CAPN3: variants seen among roughly 807,000 people sequenced by gnomAD.
CAPN3 encodes the protein calpain 3.
CAPN3 carries 88 observed loss-of-function variants against 114.0 expected under a neutral mutation model. That is an observed-to-expected ratio of 0.77 (90% confidence interval 0.65 to 0.92). CAPN3 has a LOEUF of 0.92. CAPN3 is among the 40% of genes least tolerant of loss of function. The probability of loss-of-function intolerance (pLI) is 0.00; values close to 1 mark genes in which losing one functional copy is unlikely to be tolerated. For synonymous variants in CAPN3, 386 were observed against 382.9 expected (o/e 1.01, Z -0.09); for missense variants, 1,028 against 1,069.0 (o/e 0.96, Z 0.53).
intron 15 of CAPN3, among the ~76,000 whole-genome samples, 166 bp from the exon 16 acceptor site, chr15:42,408,045 C>T (rs1368096638): frequency 2.0e-5 from 3 of 152,174 alleles, no homozygotes; most frequent in East Asian, 1.9e-4. Context: ...TGAAGTCACA[C>T]GGCTTGTCAG....
At chr15:42,392,517 A>G in intron 6 of CAPN3, 122 bp from the exon 7 acceptor site, 1 of 749,440 alleles carries the variant, frequency 1.3e-6, no homozygotes, top group Non-Finnish European at 2.4e-6. Context: ...GCACACTTTC[A>G]GGGAGCAGAG....
rs1227619065 is a variant in CAPN3 at position 42,390,808 on chromosome 15, G to A, written c.945+712G>A. ...TTTTTTTGTTTTTTTTTTTTTTTTT[G>A]GAAACCAAGTCTTGCTCTATTCCCT... On this transcript the variant is annotated intron_variant, in intron 6 of 23. Coordinates refer to ENST00000397163, the MANE Select transcript of CAPN3 (RefSeq NM_000070.3). 9.7e-5 allele frequency among the ~76,000 whole-genome samples: 5 copies of A among 51,308 alleles called. No individual in the cohort carries two copies. In the East Asian group the frequency reaches 3.2e-3, roughly 33 times the overall value. The allele number at this position is 51,308 out of a possible 152,430, so 33.7% of individuals were successfully genotyped here.
At chr15:42,381,047 A>G (rs1038103913) in intron 1 of CAPN3, among the ~76,000 whole-genome samples, 13 of 152,026 alleles carry the variant, frequency 8.6e-5, no homozygotes, top group Non-Finnish European at 1.8e-4. Flanking sequence ...ACAAAGTATT[A>G]CCATTTCCTT....
Position 42,408,320 on chromosome 15 carries a change from CACAGGTGT to C in CAPN3, c.1911_1914+4del, listed in dbSNP as rs1342919429. The stretch of plus-strand genomic sequence containing the variant: ...AGCCCTGATAAGCAAAAGCAGTCCC[CACAGGTGT>C]CTGGGCATGTGGCATGGGTGGGGTG... On this transcript the variant is annotated splice_donor_variant and splice_donor_region_variant and coding_sequence_variant and intron_variant, in exon 16 of 24. Coordinates refer to ENST00000397163, the MANE Select transcript of CAPN3 (RefSeq NM_000070.3). LOFTEE classifies it high-confidence loss of function. The C allele has an allele frequency of 1.2e-6, 2 of 1,608,366 alleles. No homozygotes were observed. Among genetic ancestry groups the C allele is most frequent in the South Asian group, 2.2e-5 (2 of 90,942 alleles).
In CAPN3 at chr15:42,379,888, G is replaced by A. The variant is rs144969960; in HGVS notation, c.310-4595G>A. On this transcript the variant is annotated intron_variant, in intron 1 of 23. Coordinates refer to ENST00000397163, the MANE Select transcript of CAPN3 (RefSeq NM_000070.3). Reference sequence around the variant, plus strand: ...TCCCAGCACTTTGGGAGGCCAAGGCGAGCACATCACCTGAGGTCAGGAGTT... The same window carrying A: ...TCCCAGCACTTTGGGAGGCCAAGGCAAGCACATCACCTGAGGTCAGGAGTT... 8.1e-3 allele frequency among the ~76,000 whole-genome samples: 1,240 copies of A among 152,208 alleles called. 10 individuals carry two copies. The highest frequency in any genetic ancestry group is 0.037 in the Middle Eastern group (11 of 294).
intron 11 of CAPN3, 136 bp from the exon 12 acceptor site, chr15:42,401,988 C>A: frequency 7.5e-7 from 1 of 1,330,548 alleles, no homozygotes; most frequent in Non-Finnish European, 1.1e-6. Context: ...ATTAGAGAGG[C>A]AGTGGAGCGG....
At chr15:42,373,826 TG>T (rs1445678837) in intron 1 of CAPN3, among the ~76,000 whole-genome samples, 1 of 152,158 alleles carries the variant, frequency 6.6e-6, no homozygotes, top group Non-Finnish European at 1.5e-5. Context: ...AACAATGGCA[TG>T]GAGCAGATTC....
At chr15:42,404,167 C>T (rs1342014500) in intron 14 of CAPN3, 1 of 460,584 alleles carries the variant, frequency 2.2e-6, no homozygotes, top group East Asian at 6.8e-5. Flanking sequence ...GGTGTTGACA[C>T]TTGGATCCTC....
intron 10 of CAPN3, among the ~76,000 whole-genome samples, 168 bp from the exon 11 acceptor site, chr15:42,401,473 G>GAC (rs1566980177): frequency 1.4e-5 from 1 of 72,800 alleles, no homozygotes; most frequent in Non-Finnish European, 2.8e-5. Context: ...TAAAGGTAGC[G>GAC]CCCCCCCCCC....
rs928105428 is a variant in CAPN3 at position 42,367,803 on chromosome 15, T to C, written c.309+7689T>C. ...AAATAGAGTCAGCTGATTTTCCCTG[T>C]ATGGTAACCCTCCCTATTTTTTTCT... is the stretch of plus-strand genomic sequence containing the variant. On this transcript the variant is annotated intron_variant, in intron 1 of 23. Coordinates refer to ENST00000397163, the MANE Select transcript of CAPN3 (RefSeq NM_000070.3). Among the ~76,000 whole-genome samples, 3 of 152,334 alleles carry C rather than the reference T, an allele frequency of 2.0e-5. No individual in the cohort carries two copies. The South Asian group carries it at 6.2e-4, about 32-fold the overall frequency.
chr15:42,410,123 C>T (rs1364148964), intron 19 of CAPN3, 128 bp downstream of exon 19: 2 of 868,152 alleles, frequency 2.3e-6, no homozygotes, highest in East Asian at 4.9e-5. Flanking sequence ...GACCCTGATT[C>T]AGAACATCTT....
In CAPN3 at chr15:42,401,804, C is replaced by A. The variant is rs1356412241; in HGVS notation, c.1518C>A (p.Ile506=). 3 of 1,613,132 alleles carry A rather than the reference C, an allele frequency of 1.9e-6. No individual in the cohort carries two copies. In the East Asian group the frequency reaches 6.7e-5, roughly 36 times the overall value. The change falls in exon 11 of 24, where the codon ATC becomes ATA. Residue 506 remains isoleucine (I), a synonymous_variant. Transcript: ENST00000397163. ...GTCTCTTCACCATTGGCTTCGCCAT[C>A]TACGAGGTGTGCAGTCCTGATTGGC... ...GASLFTIGFA[I]YEVPKEMHGN... is the part of the protein sequence containing the mutation.
In CAPN3 at chr15:42,408,211, C is replaced by G; in HGVS notation, c.1801C>G (p.Pro601Ala). ...DRPVKKKKTK[P>A]IIFVSDRANS... ...CCTGCCTCCTCCCTCCTCTCTCCAG[C>G]CCATCATCTTCGTTTCGGACAGAGC... The change falls in exon 16 of 24, where the codon CCC (proline) becomes GCC (alanine). Residue 601 changes from proline to alanine, a missense_variant and splice_region_variant. By Grantham distance (27) the Pro-to-Ala change is conservative (BLOSUM62 -1). Coordinates refer to ENST00000397163, the MANE Select transcript of CAPN3 (RefSeq NM_000070.3). 6.2e-7 allele frequency: 1 copy of G among 1,608,918 alleles called. No individual in the cohort carries two copies. Among genetic ancestry groups the G allele is most frequent in the Non-Finnish European group, 8.5e-7 (1 of 1,175,880 alleles).
chr15:42,409,633 CCCT>C (rs2054142769), intron 17 of CAPN3, among the ~76,000 whole-genome samples, 151 bp from the exon 18 acceptor site: 1 of 152,132 alleles, frequency 6.6e-6, no homozygotes, highest in African/African-American at 2.4e-5. Context: ...GTATCTGGCC[CCCT>C]GTCTTCCTCA....
intron 14 of CAPN3, chr15:42,404,881 C>T (rs756521028): frequency 4.5e-5 from 47 of 1,039,364 alleles, no homozygotes; most frequent in Non-Finnish European, 5.4e-5. Context: ...TTCTGGTCAT[C>T]TGGATGCTGG....
chr15:42,393,993 G>C lies in CAPN3; in HGVS notation c.1030-263G>C, dbSNP rs541032817. ...CACCTCCTCCCCCGAAGCTCATAAC[G>C]GCAGGATGTTCCTGAGAAAATTGCC... is the stretch of plus-strand genomic sequence containing the variant. On this transcript the variant is annotated intron_variant, in intron 7 of 23. Transcript: ENST00000397163. Among the ~76,000 whole-genome samples the C allele has an allele frequency of 2.6e-5, 4 of 152,088 alleles. No homozygotes were observed. In the South Asian group the frequency reaches 8.3e-4, roughly 32 times the overall value.
intron 18 of CAPN3, 39 bp downstream of exon 18, chr15:42,409,883 G>GGGGGGCGCCCCC: frequency 1.8e-6 from 1 of 559,674 alleles, no homozygotes; most frequent in Non-Finnish European, 3.5e-6. Flanking sequence ...GGTGGGTGGG[G>GGGGGGCGCCCCC]AGTCCCGTTG....
chr15:42,401,487 C>CTT (rs2053866267), intron 10 of CAPN3, among the ~76,000 whole-genome samples, 154 bp from the exon 11 acceptor site: 1 of 103,552 alleles, frequency 9.7e-6, no homozygotes, highest in African/African-American at 3.6e-5. Flanking sequence ...CCCCCCCCCC[C>CTT]AAATCATTAG....
intron 14 of CAPN3, 39 bp downstream of exon 14, chr15:42,403,816 GTC>G: frequency 6.3e-7 from 1 of 1,597,060 alleles, no homozygotes; most frequent in South Asian, 1.1e-5. Context: ...AGTCCAGAGG[GTC>G]CCCTTCCCTG....
Sources: gnomAD v4.1 joint callset for allele counts (sites outside exome capture counted in the v4.1 genomes callset) on GRCh38, gnomAD v4.1.1 for gene constraint, MANE v1.5 for transcripts, NCBI Gene and HGNC (gene_info 2026-07-23, HGNC 2026-07-21) for gene names.